The following SCN2A variants were observed in gnomAD, a reference collection of about 807,000 sequenced individuals.
SCN2A encodes sodium voltage-gated channel alpha subunit 2, also known as sodium channel protein type 2 subunit alpha.
In SCN2A, 20 loss-of-function variants were observed where a neutral mutation model predicts 188.7. The ratio of observed to expected loss-of-function variants is 0.11; its 90% confidence interval spans 0.07 to 0.15. The LOEUF (loss-of-function observed/expected upper bound fraction) is 0.15. SCN2A is among the 10% of genes least tolerant of loss of function. The pLI is 1.00. For missense variants in SCN2A, 1,278 were observed against 2,445.0 expected (o/e 0.52, Z 10.07); for synonymous variants, 804 against 833.1 (o/e 0.97, Z 0.60).
chr2:165,374,543 C>A (rs1310597996), intron 21 of SCN2A, 142 bp from the exon 22 acceptor site: 3 of 786,682 alleles, frequency 3.8e-6, no homozygotes, highest in Admixed American at 2.4e-5. Flanking sequence ...TTAGTTGGAG[C>A]TACCAGAGTC....
In SCN2A at chr2:165,350,460, C is replaced by CTTTTTTTTTTTT. The variant is rs796595702; in HGVS notation, c.2920-3729_2920-3728insTTTTTTTTTTTT. ...CTGAGTGAGCTTGCTGAACTGTTTTCTTTCTTTTTTTTTTTTTTTTTTTTT... is the reference window on the plus strand; with the variant it reads ...CTGAGTGAGCTTGCTGAACTGTTTTCTTTTTTTTTTTTTTTCTTTTTTTTTTTTTTTTTTTTT... On this transcript the variant is annotated intron_variant, in intron 16 of 26. Transcript: ENST00000375437. 7.7e-4 allele frequency among the ~76,000 whole-genome samples: 60 copies of CTTTTTTTTTTTT among 77,912 alleles called. 7 individuals are homozygous for CTTTTTTTTTTTT. The highest frequency in any genetic ancestry group is 2.3e-3 in the African/African-American group (53 of 23,018). 51.1% of individuals were successfully genotyped at this position (77,912 alleles called of 152,430 possible). A position where few individuals can be genotyped will look rare whatever the true frequency, so the allele number is the denominator to read the frequency against.
At chr2:165,361,754 G>C (rs1274581270) in intron 17 of SCN2A, among the ~76,000 whole-genome samples, 1 of 151,972 alleles carries the variant, frequency 6.6e-6, no homozygotes, top group African/African-American at 2.4e-5. Flanking sequence ...ATAGATCCTT[G>C]TATACAGAGT....
At chr2:165,370,368 C>T in intron 20 of SCN2A, 69 bp downstream of exon 20, 2 of 1,465,226 alleles carry the variant, frequency 1.4e-6, no homozygotes, top group Non-Finnish European at 1.9e-6. Context: ...TGGTGCCTGA[C>T]ACAGTGTAGG....
rs537715747 is a variant in SCN2A at position 165,345,641 on chromosome 2, C to T, written c.2919+730C>T. 4.4e-3 allele frequency among the ~76,000 whole-genome samples: 675 copies of T among 151,762 alleles called. 3 individuals are homozygous for T. Among genetic ancestry groups the T allele is most frequent in the African/African-American group, 0.015 (641 of 41,362 alleles). On this transcript the variant is annotated intron_variant, in intron 16 of 26. Transcript: ENST00000375437. ...GCATGTGAGATGGGTCACAGCACAC[C>T]GATGGGTCTTGACTCTATCCAATTT...
intron 21 of SCN2A, 136 bp downstream of exon 21, chr2:165,373,483 A>G (rs756269679): frequency 2.0e-6 from 2 of 985,976 alleles, no homozygotes; most frequent in Non-Finnish European, 3.0e-6. Flanking sequence ...ATCAAAAATA[A>G]TATTTACCAG....
chr2:165,359,583 A>T (rs1183198294), intron 17 of SCN2A, among the ~76,000 whole-genome samples: 1 of 152,060 alleles, frequency 6.6e-6, no homozygotes. Flanking sequence ...TCCACTTCCT[A>T]AAAAAATATA....
At chr2:165,388,580 G>A (rs1373623836) in intron 26 of SCN2A, 49 bp from the exon 27 acceptor site, 2 of 1,611,230 alleles carry the variant, frequency 1.2e-6, no homozygotes. Context: ...ACTTTCATTT[G>A]CTACTATTAA....
Position 165,277,577 on chromosome 2 carries a change from A to T in SCN2A, c.-51-18196A>T, listed in dbSNP as rs117112044. Among the ~76,000 whole-genome samples the T allele has an allele frequency of 3.9e-5, 6 of 152,230 alleles. No homozygotes were observed. The East Asian group carries it at 9.7e-4, about 25-fold the overall frequency. Reference sequence around the variant, plus strand: ...TTCTGATTGGTTAGCCTTAAGTTTCATTTCTCTTTAGGCATTTATAAGAAA... The same window carrying T: ...TTCTGATTGGTTAGCCTTAAGTTTCTTTTCTCTTTAGGCATTTATAAGAAA... On this transcript the variant is annotated intron_variant, in intron 1 of 26. Coordinates refer to ENST00000375437, the MANE Select transcript of SCN2A (RefSeq NM_001040142.2).
rs1485827292 is a variant in SCN2A, at chr2:165,308,744, A to G, written c.555A>G (p.Thr185=). 2 of 1,612,918 alleles carry G rather than the reference A, an allele frequency of 1.2e-6. No individual in the cohort carries two copies. The highest frequency in any genetic ancestry group is 1.7e-6 in the Non-Finnish European group (2 of 1,179,166). Reference sequence around the variant, plus strand: ...GGGGCTTTTGTTTAGAAGATTTCACATTTTTACGGGATCCATGGAATTGGT... The same window carrying G: ...GGGGCTTTTGTTTAGAAGATTTCACGTTTTTACGGGATCCATGGAATTGGT... ...LARGFCLEDF[T]FLRDPWNWLD... The change falls in exon 5 of 27, where the codon ACA becomes ACG. Residue 185 remains threonine (T), a synonymous_variant. Transcript: ENST00000375437.
chr2:165,293,181 C>A (rs762221195), intron 1 of SCN2A, among the ~76,000 whole-genome samples: 1 of 152,132 alleles, frequency 6.6e-6, no homozygotes. Context: ...GTTTGTAGTT[C>A]CTTGGCTACA....
intron 2 of SCN2A, 161 bp from the exon 3 acceptor site, chr2:165,296,856 C>G: frequency 2.1e-6 from 1 of 468,206 alleles, no homozygotes; most frequent in South Asian, 4.3e-5. Flanking sequence ...TTATAGTGCT[C>G]AGAAAAAAAA....
intron 21 of SCN2A, among the ~76,000 whole-genome samples, chr2:165,373,646 A>G (rs1287140656): frequency 6.6e-6 from 1 of 152,120 alleles, no homozygotes; most frequent in African/African-American, 2.4e-5. Context: ...CTTCATTTAT[A>G]AATGTGCAGG....
chr2:165,380,105 C>T (rs1053994726), intron 23 of SCN2A, among the ~76,000 whole-genome samples: 1 of 151,850 alleles, frequency 6.6e-6, no homozygotes, highest in Non-Finnish European at 1.5e-5. Context: ...TACTGGCCGC[C>T]ACTGTTCTAA....
chr2:165,244,039 C>T (rs1693738186), intron 1 of SCN2A, among the ~76,000 whole-genome samples: 1 of 152,030 alleles, frequency 6.6e-6, no homozygotes, highest in South Asian at 2.1e-4. Context: ...GTCAGGAGTT[C>T]TAGACAAGCC....
chr2:165,288,794 C>T (rs904491758), intron 1 of SCN2A, among the ~76,000 whole-genome samples: 4 of 151,624 alleles, frequency 2.6e-5, no homozygotes, highest in African/African-American at 9.7e-5. Flanking sequence ...AAATATATAT[C>T]ACAGCAAGTA....
chr2:165,283,958 G>A (rs1574496972), intron 1 of SCN2A, among the ~76,000 whole-genome samples: 1 of 152,072 alleles, frequency 6.6e-6, no homozygotes, highest in African/African-American at 2.4e-5. Flanking sequence ...CAAGAAGCCA[G>A]TAGTGTGCCA....
Position 165,252,865 on chromosome 2 carries a change from G to T in SCN2A, c.-52+13225G>T, listed in dbSNP as rs1411564024. Among the ~76,000 whole-genome samples the T allele has an allele frequency of 4.0e-5, 6 of 151,794 alleles. No homozygotes were observed. The East Asian group carries it at 9.7e-4, about 24-fold the overall frequency. On this transcript the variant is annotated intron_variant, in intron 1 of 26. Transcript: ENST00000375437. ...TGAGGGACTATGTAAGGGGAGGGGGGGTGTGGCTGCTTCATCTTGAAAGTA... is the reference window on the plus strand; with the variant it reads ...TGAGGGACTATGTAAGGGGAGGGGGTGTGTGGCTGCTTCATCTTGAAAGTA...
At position 165,389,477 on chromosome 2, in the gene SCN2A, G is replaced by T. The variant is rs1476583554; in HGVS notation, c.5671G>T (p.Val1891Phe). The stretch of plus-strand genomic sequence containing the variant: ...ATTCATGGCATCAAACCCCTCCAAA[G>T]TCTCTTATGAGCCCATTACGACCAC... ...ERFMASNPSK[V>F]SYEPITTTLK... The change falls in exon 27 of 27, where the codon GTC becomes TTC. Residue 1891 changes from valine to phenylalanine, a missense_variant. By Grantham distance (50) the Val-to-Phe change is conservative. Transcript: ENST00000375437. The surrounding 1 kb of genome is among the most constrained non-coding windows in gnomAD (Gnocchi z 4.2). The T allele has an allele frequency of 6.2e-7, 1 of 1,613,930 alleles. No individual in the cohort carries two copies.
chr2:165,359,180 G>A (rs564649895), intron 17 of SCN2A, among the ~76,000 whole-genome samples: 1 of 152,164 alleles, frequency 6.6e-6, no homozygotes, highest in South Asian at 2.1e-4. Flanking sequence ...TCATATATTG[G>A]AGGAATGGGA....
Sources: gnomAD v4.1 joint callset for allele counts (sites outside exome capture counted in the v4.1 genomes callset) on GRCh38, gnomAD v4.1.1 for gene constraint, Gnocchi (gnomAD v3.1) non-coding constraint, MANE v1.5 for transcripts, NCBI Gene and HGNC (gene_info 2026-07-23, HGNC 2026-07-21) for gene names.